MYH15: variants seen among roughly 807,000 people sequenced by gnomAD.
MYH15 encodes myosin heavy chain 15.
In MYH15, 227 loss-of-function variants were observed where a neutral mutation model predicts 240.5. That is an observed-to-expected ratio of 0.94 (90% CI 0.85 to 1.05). MYH15 has a LOEUF of 1.05. Ranked by LOEUF, MYH15 falls within the 50% of genes least tolerant of loss-of-function variation. MYH15 has a pLI of 0.00. For missense variants in MYH15, 2,217 were observed against 2,247.5 expected (o/e 0.99, Z 0.27); for synonymous variants, 785 against 796.7 (o/e 0.99, Z 0.25).
At chr3:108,477,877 A>T (rs1241324720) in intron 11 of MYH15, among the ~76,000 whole-genome samples, 1 of 152,200 alleles carries the variant, frequency 6.6e-6, no homozygotes, top group African/African-American at 2.4e-5. Context: ...GGTATGAAAA[A>T]ATGACACAAA....
At chr3:108,479,608 A>G (rs997100247) in intron 11 of MYH15, among the ~76,000 whole-genome samples, 2 of 152,166 alleles carry the variant, frequency 1.3e-5, no homozygotes, top group Non-Finnish European at 2.9e-5. Flanking sequence ...GTAAGGCCTG[A>G]GCTTCAGGAT....
At chr3:108,434,503 A>G (rs539708991) in intron 25 of MYH15, among the ~76,000 whole-genome samples, 312 of 152,070 alleles carry the variant, frequency 2.1e-3, no homozygotes, top group African/African-American at 7.1e-3. Context: ...TCTTATCAAT[A>G]TATTAAGCTT....
chr3:108,414,207 T>G (rs1330764035), intron 30 of MYH15, 25 bp downstream of exon 30: 1 of 1,604,658 alleles, frequency 6.2e-7, no homozygotes, highest in Non-Finnish European at 8.5e-7. Flanking sequence ...TAACTCCAGG[T>G]TAAGGATAGC....
At chr3:108,401,762 C>T (rs2082507716) in intron 33 of MYH15, among the ~76,000 whole-genome samples, 1 of 152,144 alleles carries the variant, frequency 6.6e-6, no homozygotes, top group African/African-American at 2.4e-5. Flanking sequence ...TGCCTGCAGA[C>T]AAGTAAAAAG....
chr3:108,537,042 T>G, the MYH15 span, among the ~76,000 whole-genome samples: 1 of 152,234 alleles, frequency 6.6e-6, no homozygotes, highest in East Asian at 1.9e-4. Context: ...GCTCTCTCCC[T>G]GCAATTGGAT....
intron 12 of MYH15, among the ~76,000 whole-genome samples, chr3:108,473,765 G>A (rs563245351): frequency 6.6e-6 from 1 of 152,268 alleles, no homozygotes; most frequent in East Asian, 1.9e-4. Context: ...TAAAATACTA[G>A]ACCTGAAGAT....
At chr3:108,475,385 T>C (rs1454589386) in intron 12 of MYH15, among the ~76,000 whole-genome samples, 3 of 152,190 alleles carry the variant, frequency 2.0e-5, no homozygotes, top group African/African-American at 7.2e-5. Context: ...GCTTTATCCA[T>C]ACTATGTGTG....
rs183341434 is a variant in MYH15 at position 108,456,152 on chromosome 3, T to C, written c.2139-293A>G. Among the ~76,000 whole-genome samples, 204 of 152,314 alleles carry C rather than the reference T, an allele frequency of 1.3e-3. 1 individual carries two copies. The highest frequency in any genetic ancestry group is 3.1e-3 in the Admixed American group (47 of 15,284). On this transcript the variant is annotated intron_variant, in intron 19 of 40. Coordinates refer to ENST00000693548, the MANE Select transcript of MYH15 (RefSeq NM_014981.3). ...AGAGAGGGAGGGAGGAAAGCATAAG[T>C]ATCTCTACTGTATAGATAAGGAAAC...
intron 40 of MYH15, among the ~76,000 whole-genome samples, chr3:108,382,453 A>G (rs1029783469): frequency 6.6e-5 from 10 of 152,132 alleles, no homozygotes; most frequent in African/African-American, 2.2e-4. Flanking sequence ...AACCCTATCA[A>G]CTTACCTTGC....
At position 108,410,772 on chromosome 3, in the gene MYH15, G is replaced by C; in HGVS notation, c.4306C>G (p.Gln1436Glu). The change falls in exon 31 of 41, where the codon CAG (glutamine) becomes GAG (glutamate). Residue 1436 changes from glutamine to glutamate, a missense_variant. By Grantham distance (29) the Gln-to-Glu change is conservative. Transcript: ENST00000693548. Reference sequence around the variant, plus strand: ...GCCTTGCCAGACTGCAGCTGCTTCTGGTCCAGCCTGGCTGCTGCAGAGCGG... The same window carrying C: ...GCCTTGCCAGACTGCAGCTGCTTCTCGTCCAGCCTGGCTGCTGCAGAGCGG... The part of the protein sequence containing the change: ...KVRSAAARLD[Q>E]KQLQSGKALA... 1 of 1,614,118 alleles carries C rather than the reference G, an allele frequency of 6.2e-7. No homozygotes were observed. The highest frequency in any genetic ancestry group is 8.5e-7 in the Non-Finnish European group (1 of 1,180,000).
At chr3:108,484,088 T>C (rs1251829867) in intron 11 of MYH15, among the ~76,000 whole-genome samples, 1 of 152,228 alleles carries the variant, frequency 6.6e-6, no homozygotes, top group Non-Finnish European at 1.5e-5. Context: ...TTGTATGTTA[T>C]ATATATTTTA....
chr3:108,516,798 C>A (rs4482669), intron 1 of MYH15, among the ~76,000 whole-genome samples: 151,862 of 152,354 alleles, frequency 1, 75,686 homozygotes, highest in Middle Eastern at 1. Context: ...GAATGTTAAA[C>A]GGTTGAATTA....
intron 1 of MYH15, among the ~76,000 whole-genome samples, chr3:108,507,226 A>AATATATATATATAT (rs147101810): frequency 2.0e-5 from 2 of 98,538 alleles, no homozygotes; most frequent in Non-Finnish European, 1.9e-5. Flanking sequence ...AAGGAAAATG[A>AATATATATATATAT]ATATATATAT....
intron 35 of MYH15, among the ~76,000 whole-genome samples, chr3:108,396,546 T>C (rs2107539344): frequency 6.6e-6 from 1 of 152,336 alleles, no homozygotes; most frequent in East Asian, 1.9e-4. Context: ...TGCAGCCCAG[T>C]TCCTAATAGG....
chr3:108,481,174 A>C (rs1352255930), intron 11 of MYH15, among the ~76,000 whole-genome samples: 3 of 152,266 alleles, frequency 2.0e-5, no homozygotes, highest in Non-Finnish European at 4.4e-5. Context: ...TGGTAAAAAA[A>C]TACTAGGCTG....
intron 5 of MYH15, among the ~76,000 whole-genome samples, chr3:108,498,648 A>G (rs964732854): frequency 2.6e-5 from 4 of 152,192 alleles, no homozygotes; most frequent in Non-Finnish European, 4.4e-5. Flanking sequence ...AGCCTCCTCA[A>G]TGTAAGCATC....
intron 16 of MYH15, 120 bp downstream of exon 16, chr3:108,462,991 G>T: frequency 2.6e-6 from 3 of 1,145,496 alleles, no homozygotes; most frequent in Non-Finnish European, 2.4e-6. Context: ...AAGAGGGGAC[G>T]ACTCAGACCA....
chr3:108,437,549 C>A lies in MYH15; in HGVS notation c.3221+5G>T, dbSNP rs115721142. 1,364 of 1,610,402 alleles carry A rather than the reference C, an allele frequency of 8.5e-4. 7 individuals are homozygous for A. The African/African-American group carries it at 0.015, about 18-fold the overall frequency. ...CAATCTCATGTCAACAGAAAGGTGG[C>A]TTACTTCCTCAGCTCTTCTGCCAGG... is the stretch of plus-strand genomic sequence containing the variant. On this transcript the variant is annotated splice_donor_5th_base_variant and intron_variant, in intron 25 of 40. Coordinates refer to ENST00000693548, the MANE Select transcript of MYH15 (RefSeq NM_014981.3).
intron 21 of MYH15, among the ~76,000 whole-genome samples, chr3:108,446,900 T>A (rs2082932978): frequency 6.6e-6 from 1 of 152,016 alleles, no homozygotes; most frequent in Non-Finnish European, 1.5e-5. Context: ...TAAATGGAGA[T>A]CTATGAATTG....
Sources: gnomAD v4.1 joint callset for allele counts (sites outside exome capture counted in the v4.1 genomes callset) on GRCh38, gnomAD v4.1.1 for gene constraint, MANE v1.5 for transcripts, NCBI Gene and HGNC (gene_info 2026-07-23, HGNC 2026-07-21) for gene names.